TFEB: variants seen among roughly 807,000 people sequenced by gnomAD.
TFEB encodes the protein T-cell transcription factor EB.
Under a neutral mutation model 48.0 loss-of-function variants are expected in TFEB, and 12 were observed. The observed-to-expected ratio is 0.25, with a 90% CI of 0.16 to 0.40. TFEB has a LOEUF of 0.40. Ranked by LOEUF, TFEB falls within the 10% of genes least tolerant of loss-of-function variation. The pLI, the probability that TFEB is intolerant of heterozygous loss-of-function variation, is 1.00. For synonymous variants in TFEB, 244 were observed against 261.4 expected, an observed-to-expected ratio of 0.93 and a Z score of 0.64; for missense variants, 509 against 640.3, an observed-to-expected ratio of 0.79 and a Z score of 2.21.
chr6:41,706,943 G>T (rs1207133498), intron 1 of TFEB, among the ~76,000 whole-genome samples: 1 of 152,190 alleles, frequency 6.6e-6, no homozygotes, highest in South Asian at 2.1e-4. Context: ...AGAGCGAGGA[G>T]TGGGGTGTGT....
rs773427668 is a variant in TFEB, at chr6:41,687,076, C to G, written c.803+18G>C. ...GCCCACCCAGACCCATCACCCTCCC[C>G]CTCAGAAACCTGCTCACAGGTCATT... On this transcript the variant is annotated intron_variant, in intron 7 of 8. Transcript: ENST00000373033. The G allele has an allele frequency of 5.0e-6, 8 of 1,613,526 alleles. No individual in the cohort carries two copies. Among genetic ancestry groups the G allele is most frequent in the African/African-American group, 4.0e-5 (3 of 74,918 alleles).
At position 41,690,148 on chromosome 6, in the gene TFEB, C is replaced by T. The variant is rs537672431; in HGVS notation, c.469-337G>A. Reference sequence around the variant, plus strand: ...TTTTTCTTTTTTCTTTTTTTTTTTTCGAGAAGGAGTCTCACTCTGTCGCCC... The same window carrying T: ...TTTTTCTTTTTTCTTTTTTTTTTTTTGAGAAGGAGTCTCACTCTGTCGCCC... On this transcript the variant is annotated intron_variant, in intron 3 of 8. Transcript: ENST00000373033. 7.0e-3 allele frequency among the ~76,000 whole-genome samples: 1,010 copies of T among 143,424 alleles called. 5 individuals carry two copies. Among genetic ancestry groups the T allele is most frequent in the African/African-American group, 0.025 (955 of 38,600 alleles). 94.1% of individuals were successfully genotyped at this position (143,424 alleles called of 152,430 possible). A position where few individuals can be genotyped will look rare whatever the true frequency, so the allele number is the denominator to read the frequency against.
At position 41,684,313 on chromosome 6, in the gene TFEB, AC is replaced by A. The variant is rs1328709369; in HGVS notation, c.*285del. The stretch of plus-strand genomic sequence containing the variant: ...GGAATCTCCACCAGGCCCTCTTCTC[AC>A]CTCTAGAACACCCTGCCCCTCCCTG... On this transcript the variant is annotated 3_prime_UTR_variant, in exon 9 of 9. Transcript: ENST00000373033. The A allele has an allele frequency of 6.1e-6, 2 of 329,342 alleles. No individual in the cohort carries two copies. Among genetic ancestry groups the A allele is most frequent in the Non-Finnish European group, 1.1e-5 (2 of 181,586 alleles). The allele number at this position is 329,342 out of a possible 1,614,324, so 20.4% of individuals were successfully genotyped here.
intron 7 of TFEB, chr6:41,686,481 A>C: frequency 2.6e-6 from 1 of 381,232 alleles, no homozygotes; most frequent in Non-Finnish European, 4.7e-6. Context: ...TTCCCAGACT[A>C]CCAAGACTCC....
At chr6:41,693,985 A>G (rs1281476247) in intron 1 of TFEB, among the ~76,000 whole-genome samples, 1 of 30,720 alleles carries the variant, frequency 3.3e-5, no homozygotes, top group East Asian at 7.6e-4. Context: ...ACACCCACCC[A>G]CACGGCACTG....
chr6:41,704,485 TC>T (rs1451539575), intron 1 of TFEB, among the ~76,000 whole-genome samples: 1 of 152,152 alleles, frequency 6.6e-6, no homozygotes, highest in African/African-American at 2.4e-5. Context: ...GAGTACTAGC[TC>T]CCTGCCTGGG....
intron 1 of TFEB, among the ~76,000 whole-genome samples, chr6:41,696,271 G>A (rs1001384786): frequency 9.2e-5 from 14 of 152,146 alleles, no homozygotes; most frequent in African/African-American, 3.4e-4. Context: ...CATGACCCAT[G>A]GACCCCCTCC....
chr6:41,730,863 G>A lies in TFEB; in HGVS notation c.-23+4487C>T, dbSNP rs750805932. Among the ~76,000 whole-genome samples the A allele has an allele frequency of 1.2e-4, 18 of 152,326 alleles. No individual in the cohort carries two copies. Among genetic ancestry groups the A allele is most frequent in the East Asian group, 7.7e-4 (4 of 5,180 alleles). On this transcript the variant is annotated intron_variant, in intron 1 of 8. Transcript: ENST00000373033. This position sits in a 1 kb window ranked among gnomAD's most constrained non-coding sequence, Gnocchi z 4.1. ...GGGAAACCCAAGTGGCAGGGCAGGGGTGGTAGAGATGCCTCAGGCATTGCC... is the reference window on the plus strand; with the variant it reads ...GGGAAACCCAAGTGGCAGGGCAGGGATGGTAGAGATGCCTCAGGCATTGCC...
In TFEB at chr6:41,691,242, A is replaced by G. The variant is rs1030653484; in HGVS notation, c.-22-7T>C. The G allele has an allele frequency of 1.9e-6, 3 of 1,561,942 alleles. No individual in the cohort carries two copies. Among genetic ancestry groups the G allele is most frequent in the Non-Finnish European group, 1.7e-6 (2 of 1,150,914 alleles). Reference sequence around the variant, plus strand: ...GGCTGCCGGCGCTGGCTCCCTGTGGATGAGAAGGGGCAGCAGGTATATGAG... The same window carrying G: ...GGCTGCCGGCGCTGGCTCCCTGTGGGTGAGAAGGGGCAGCAGGTATATGAG... On this transcript the variant is annotated splice_region_variant and splice_polypyrimidine_tract_variant and intron_variant, in intron 1 of 8. Coordinates refer to ENST00000373033, the MANE Select transcript of TFEB (RefSeq NM_001271944.2). This position sits in a 1 kb window ranked among gnomAD's most constrained non-coding sequence, Gnocchi z 5.2.
Position 41,691,172 on chromosome 6 carries a change from C to T in TFEB, c.42G>A (p.Glu14=), listed in dbSNP as rs1164525709. The T allele has an allele frequency of 1.9e-6, 3 of 1,590,454 alleles. No individual in the cohort carries two copies. The highest frequency in any genetic ancestry group is 2.7e-5 in the African/African-American group (2 of 74,484). The change falls in exon 2 of 9, where the codon GAG becomes GAA. Residue 14 remains glutamate (E), a synonymous_variant. Coordinates refer to ENST00000373033, the MANE Select transcript of TFEB (RefSeq NM_001271944.2). The surrounding 1 kb of genome is among the most constrained non-coding windows in gnomAD (Gnocchi z 5.2). ...CCCGCTGCTCCTCCTGCTGCGCCTG[C>T]TCCCGCATGAGCTGCATGCGCAACC... ...RIGLRMQLMR[E]QAQQEEQRER...
chr6:41,717,701 A>C lies in TFEB; in HGVS notation c.-23+17649T>G, dbSNP rs141728713. On this transcript the variant is annotated intron_variant, in intron 1 of 8. Coordinates refer to ENST00000373033, the MANE Select transcript of TFEB (RefSeq NM_001271944.2). ...AAGCAGGAGGGGGCCAGAAAAAGGTAAGGAGCTCTCAGGAGGAAACAGCAG... is the reference window on the plus strand; with the variant it reads ...AAGCAGGAGGGGGCCAGAAAAAGGTCAGGAGCTCTCAGGAGGAAACAGCAG... Among the ~76,000 whole-genome samples the C allele has an allele frequency of 7.2e-4, 110 of 152,302 alleles. No individual in the cohort carries two copies. In the East Asian group the frequency reaches 0.019, roughly 27 times the overall value.
At position 41,687,960 on chromosome 6, in the gene TFEB, G is replaced by T; in HGVS notation, c.618C>A (p.Gly206=). The change falls in exon 5 of 9, where the codon GGC becomes GGA. Residue 206 remains glycine (G), a synonymous_variant. Transcript: ENST00000373033. The stretch of plus-strand genomic sequence containing the variant: ...CCGCAGGGCAGGAGCTGCTGGTGAC[G>T]CCCACCAGGGAGGCTGTGACCTGGG... ...SDPQVTASLV[G]VTSSSCPADL... 6.2e-7 allele frequency: 1 copy of T among 1,614,034 alleles called. No individual in the cohort carries two copies. Among genetic ancestry groups the T allele is most frequent in the Non-Finnish European group, 8.5e-7 (1 of 1,179,960 alleles).
intron 1 of TFEB, among the ~76,000 whole-genome samples, chr6:41,715,270 C>T (rs931139017): frequency 3.3e-5 from 5 of 152,156 alleles, no homozygotes; most frequent in African/African-American, 7.2e-5. Context: ...AGGACCACAG[C>T]CCTGGCCCTC....
At chr6:41,694,931 C>G (rs778543264) in intron 1 of TFEB, among the ~76,000 whole-genome samples, 5 of 152,104 alleles carry the variant, frequency 3.3e-5, no homozygotes, top group African/African-American at 4.8e-5. Context: ...CTGCCTCTCC[C>G]CAATCACATG....
chr6:41,717,898 A>G (rs1004648378), intron 1 of TFEB, among the ~76,000 whole-genome samples: 2 of 152,192 alleles, frequency 1.3e-5, no homozygotes, highest in African/African-American at 4.8e-5. Context: ...TAGTTTCTCT[A>G]TCTGGAAAAT....
At position 41,723,569 on chromosome 6, in the gene TFEB, T is replaced by C. The variant is rs1315164139; in HGVS notation, c.-23+11781A>G. 8.0e-6 allele frequency: 10 copies of C among 1,253,390 alleles called. No individual in the cohort carries two copies. The highest frequency in any genetic ancestry group is 9.3e-6 in the Non-Finnish European group (9 of 971,992). The allele number at this position is 1,253,390 out of a possible 1,614,324, so 77.6% of individuals were successfully genotyped here. On this transcript the variant is annotated intron_variant, in intron 1 of 8. Transcript: ENST00000373033. The surrounding 1 kb of genome is among the most constrained non-coding windows in gnomAD (Gnocchi z 6.0). ...CCAGGGCCGGGCTCAGTTTCCTCATTTCCCCGGCGGCTGCTGTTTCTCACC... is the reference window on the plus strand; with the variant it reads ...CCAGGGCCGGGCTCAGTTTCCTCATCTCCCCGGCGGCTGCTGTTTCTCACC...
At chr6:41,704,574 C>T (rs1311241272) in intron 1 of TFEB, among the ~76,000 whole-genome samples, 9 of 152,238 alleles carry the variant, frequency 5.9e-5, no homozygotes, top group Non-Finnish European at 1.3e-4. Flanking sequence ...GCCCTGTTTG[C>T]TGGTTAGAAA....
intron 1 of TFEB, among the ~76,000 whole-genome samples, chr6:41,718,347 T>C (rs1581924307): frequency 6.6e-6 from 1 of 152,214 alleles, no homozygotes; most frequent in South Asian, 2.1e-4. Context: ...TAGCTGGGAC[T>C]ACAGGCATGC....
At chr6:41,692,868 G>T (rs1170676264) in intron 1 of TFEB, among the ~76,000 whole-genome samples, 1 of 152,182 alleles carries the variant, frequency 6.6e-6, no homozygotes, top group Non-Finnish European at 1.5e-5. Context: ...GTTGAGCAAG[G>T]ACTTTTGAAC....
Sources: gnomAD v4.1 joint callset for allele counts (sites outside exome capture counted in the v4.1 genomes callset) on GRCh38, gnomAD v4.1.1 for gene constraint, Gnocchi (gnomAD v3.1) non-coding constraint, MANE v1.5 for transcripts, NCBI Gene and HGNC (gene_info 2026-07-23, HGNC 2026-07-21) for gene names.